GALNT17: variants seen among roughly 807,000 people sequenced by gnomAD.
GALNT17 encodes the protein polypeptide N-acetylgalactosaminyltransferase 17.
GALNT17 carries 29 observed loss-of-function variants against 63.7 expected under a neutral mutation model. That is an observed-to-expected ratio of 0.46 (90% CI 0.34 to 0.62). GALNT17 has a LOEUF of 0.62. Among genes scored for constraint, GALNT17 ranks in the 20% least tolerant of loss-of-function variants. The pLI is 0.01. For missense variants in GALNT17, 603 were observed against 799.6 expected, an observed-to-expected ratio of 0.75 and a Z score of 2.97; for synonymous variants, 305 against 318.3, an observed-to-expected ratio of 0.96 and a Z score of 0.45.
chr7:71,519,566 T>A (rs1319120559), intron 5 of GALNT17, among the ~76,000 whole-genome samples: 1 of 152,096 alleles, frequency 6.6e-6, no homozygotes, highest in East Asian at 1.9e-4. Flanking sequence ...CAGGTTCAAG[T>A]GATTCTTGTG....
intron 2 of GALNT17, among the ~76,000 whole-genome samples, chr7:71,354,736 T>C (rs934694762): frequency 1.3e-5 from 2 of 152,206 alleles, no homozygotes; most frequent in Non-Finnish European, 2.9e-5. Flanking sequence ...GAATTAGGTT[T>C]TCAATCCTCT....
chr7:71,300,292 T>A (rs1256206886), intron 1 of GALNT17: 1 of 347,568 alleles, frequency 2.9e-6, no homozygotes, highest in Non-Finnish European at 5.7e-6. Flanking sequence ...GAAATGTATC[T>A]GGACTCTGGG....
At chr7:71,193,664 G>C (rs939377000) in intron 1 of GALNT17, among the ~76,000 whole-genome samples, 3 of 151,734 alleles carry the variant, frequency 2.0e-5, no homozygotes, top group African/African-American at 7.3e-5. Context: ...TTCTCTCCTG[G>C]GGGGAAGATT....
At chr7:71,686,239 G>A (rs1301968167) in intron 9 of GALNT17, among the ~76,000 whole-genome samples, 5 of 152,196 alleles carry the variant, frequency 3.3e-5, no homozygotes, top group Non-Finnish European at 7.3e-5. Flanking sequence ...ACAGGCGTAA[G>A]CCACGGCGCC....
At position 71,642,131 on chromosome 7, in the gene GALNT17, G is replaced by T. The variant is rs570406478; in HGVS notation, c.1081-23280G>T. On this transcript the variant is annotated intron_variant, in intron 6 of 10. Transcript: ENST00000333538. ...ATGCTCATTCAGTGATCCAGAAAGG[G>T]TACCATCATTCCTCCCTCTCCCAAA... 1.8e-3 allele frequency among the ~76,000 whole-genome samples: 277 copies of T among 152,208 alleles called. 1 individual carries two copies. Among genetic ancestry groups the T allele is most frequent in the African/African-American group, 6.3e-3 (263 of 41,536 alleles).
intron 9 of GALNT17, among the ~76,000 whole-genome samples, chr7:71,710,398 C>T (rs1221369784): frequency 6.6e-6 from 1 of 152,158 alleles, no homozygotes; most frequent in Non-Finnish European, 1.5e-5. Flanking sequence ...ATCCCACGTA[C>T]TCAGGAGGCT....
At chr7:71,238,500 C>T (rs1789936675) in intron 1 of GALNT17, among the ~76,000 whole-genome samples, 1 of 152,158 alleles carries the variant, frequency 6.6e-6, no homozygotes, top group East Asian at 1.9e-4. Flanking sequence ...GTTGGGGTTA[C>T]AGGCATGAGC....
intron 3 of GALNT17, among the ~76,000 whole-genome samples, chr7:71,397,563 A>G (rs1229939186): frequency 1.3e-5 from 2 of 152,210 alleles, no homozygotes; most frequent in Non-Finnish European, 1.5e-5. Flanking sequence ...TCAGCTTAAA[A>G]TGAGGTACAT....
intron 5 of GALNT17, among the ~76,000 whole-genome samples, chr7:71,541,660 A>C (rs1336146486): frequency 6.6e-6 from 1 of 152,128 alleles, no homozygotes; most frequent in Non-Finnish European, 1.5e-5. Context: ...TTCCTTTCAG[A>C]GACCCCCTTC....
intron 5 of GALNT17, among the ~76,000 whole-genome samples, chr7:71,475,204 T>C (rs537014182): frequency 6.6e-6 from 1 of 152,256 alleles, no homozygotes; most frequent in Non-Finnish European, 1.5e-5. Flanking sequence ...GGAAGATAGT[T>C]TTTCCACAGA....
At chr7:71,515,878 C>T (rs944752850) in intron 5 of GALNT17, among the ~76,000 whole-genome samples, 4 of 151,746 alleles carry the variant, frequency 2.6e-5, no homozygotes, top group South Asian at 2.1e-4. Context: ...GGGGAAAGAG[C>T]GGCAGGGTGG....
chr7:71,490,771 G>A (rs1330421405), intron 5 of GALNT17, among the ~76,000 whole-genome samples: 1 of 152,102 alleles, frequency 6.6e-6, no homozygotes, highest in Non-Finnish European at 1.5e-5. Context: ...AAGGTGGCAT[G>A]TGCCTGTACT....
chr7:71,270,833 A>G (rs1271452225), intron 1 of GALNT17, among the ~76,000 whole-genome samples: 2 of 151,988 alleles, frequency 1.3e-5, no homozygotes, highest in African/African-American at 4.8e-5. Context: ...TCTGAAGTTC[A>G]GCTGCAGGAA....
In GALNT17 at chr7:71,598,851, A is replaced by G. The variant is rs1477550763; in HGVS notation, c.1080+27449A>G. Among the ~76,000 whole-genome samples, 7 of 150,234 alleles carry G rather than the reference A, an allele frequency of 4.7e-5. No homozygotes were observed. In the East Asian group the frequency reaches 1.4e-3, roughly 30 times the overall value. On this transcript the variant is annotated intron_variant, in intron 6 of 10. Coordinates refer to ENST00000333538, the MANE Select transcript of GALNT17 (RefSeq NM_022479.3). ...ATCAGAAGGAAAAGTACTGAGTGCT[A>G]TGAGAAAGAACGGGGGGGATTGCGT...
intron 2 of GALNT17, among the ~76,000 whole-genome samples, chr7:71,348,150 A>G (rs1792127736): frequency 6.6e-6 from 1 of 151,972 alleles, no homozygotes; most frequent in Non-Finnish European, 1.5e-5. Context: ...AATCTCAGAT[A>G]CTCAGGGGGC....
chr7:71,538,595 T>G (rs1382611056), intron 5 of GALNT17, among the ~76,000 whole-genome samples: 1 of 152,168 alleles, frequency 6.6e-6, no homozygotes, highest in Admixed American at 6.5e-5. Context: ...CTTGAAGTGA[T>G]GAAATAAAAT....
chr7:71,407,783 C>T (rs987702984), intron 3 of GALNT17, among the ~76,000 whole-genome samples: 1 of 152,078 alleles, frequency 6.6e-6, no homozygotes, highest in African/African-American at 2.4e-5. Flanking sequence ...ATAAAATCAC[C>T]TCTTCTGCAC....
In GALNT17 at chr7:71,439,062, A is replaced by G. The variant is rs868211887; in HGVS notation, c.962+17957A>G. 1.2e-4 allele frequency among the ~76,000 whole-genome samples: 18 copies of G among 151,616 alleles called. 1 individual carries two copies. Among genetic ancestry groups the G allele is most frequent in the Middle Eastern group, 3.4e-3 (1 of 294 alleles). ...ACCACCATGCCTGGCTAATTTTTTA[A>G]AATTGTTTGTAGAGATGAGTCTTGC... On this transcript the variant is annotated intron_variant, in intron 5 of 10. Transcript: ENST00000333538.
intron 1 of GALNT17, among the ~76,000 whole-genome samples, chr7:71,281,797 C>T (rs927611789): frequency 6.6e-6 from 1 of 152,174 alleles, no homozygotes; most frequent in Non-Finnish European, 1.5e-5. Context: ...ACCTAACCAC[C>T]TCCCAGTGTG....
Sources: allele counts gnomAD v4.1 joint callset (sites outside exome capture counted in the v4.1 genomes callset), GRCh38; gene constraint gnomAD v4.1.1; transcripts MANE v1.5; gene names NCBI Gene and HGNC (gene_info 2026-07-23, HGNC 2026-07-21).